Variants in ARFGEF3 observed in about 807,000 individuals in gnomAD.
ARFGEF3 encodes the protein brefeldin A-inhibited guanine nucleotide-exchange protein 3.
In ARFGEF3, 96 loss-of-function variants were observed where a neutral mutation model predicts 221.7. The observed-to-expected ratio is 0.43, with a 90% CI of 0.37 to 0.51. ARFGEF3 has a LOEUF of 0.51. Among genes scored for constraint, ARFGEF3 ranks in the 20% least tolerant of loss-of-function variants. The pLI, the probability that ARFGEF3 is intolerant of heterozygous loss-of-function variation, is 0.00. For synonymous variants in ARFGEF3, 1,145 were observed against 1,126.8 expected (o/e 1.02, Z -0.32); for missense variants, 2,410 against 2,789.9 (o/e 0.86, Z 3.07).
chr6:138,337,209 A>G lies in ARFGEF3; in HGVS notation c.*723A>G, dbSNP rs1055530314. 1 of 152,686 alleles carries G rather than the reference A, an allele frequency of 6.5e-6. No homozygotes were observed. The highest frequency in any genetic ancestry group is 1.5e-5 in the Non-Finnish European group (1 of 68,050). The allele number at this position is 152,686 out of a possible 1,614,324, so 9.5% of individuals were successfully genotyped here. A position where few individuals can be genotyped will look rare whatever the true frequency, so the allele number is the denominator to read the frequency against. ...AGTCTGTGGCTTATCAGCCTGTGAC[A>G]CAGAGTACCCAGTGAAAGTGGCTGG... On this transcript the variant is annotated 3_prime_UTR_variant, in exon 34 of 34. Transcript: ENST00000251691.
intron 2 of ARFGEF3, among the ~76,000 whole-genome samples, chr6:138,201,172 A>T (rs1431532499): frequency 6.6e-6 from 1 of 151,992 alleles, no homozygotes; most frequent in East Asian, 1.9e-4. Context: ...TAAAAAGTAG[A>T]TGTTTTTTGT....
At chr6:138,309,053 C>T (rs1242485890) in intron 24 of ARFGEF3, among the ~76,000 whole-genome samples, 192 bp downstream of exon 24, 1 of 152,180 alleles carries the variant, frequency 6.6e-6, no homozygotes, top group Non-Finnish European at 1.5e-5. Flanking sequence ...AAGGTTGATA[C>T]TTTTCATTGT....
chr6:138,300,757 G>A (rs1164342333), intron 22 of ARFGEF3, among the ~76,000 whole-genome samples: 1 of 152,166 alleles, frequency 6.6e-6, no homozygotes, highest in Non-Finnish European at 1.5e-5. Flanking sequence ...CTCGCATCTT[G>A]AGTCAGGATC....
At chr6:138,307,475 T>A in intron 23 of ARFGEF3, 78 bp downstream of exon 23, 3 of 1,162,864 alleles carry the variant, frequency 2.6e-6, no homozygotes, top group Non-Finnish European at 2.5e-6. Flanking sequence ...AAAAAAAAAT[T>A]GAACAATAGG....
chr6:138,238,461 A>C, intron 5 of ARFGEF3, 48 bp from the exon 6 acceptor site: 1 of 1,582,034 alleles, frequency 6.3e-7, no homozygotes, highest in Non-Finnish European at 8.6e-7. Context: ...TGTTGGTAAT[A>C]AGCTGATACC....
rs1381678416 is a variant in ARFGEF3, at chr6:138,196,247, G to A, written c.138-10795G>A. Reference sequence around the variant, plus strand: ...CATGCATGACTTAATGATGGGGATAGGTCCTAAGAAATATGTCATTAGGCA... The same window carrying A: ...CATGCATGACTTAATGATGGGGATAAGTCCTAAGAAATATGTCATTAGGCA... On this transcript the variant is annotated intron_variant, in intron 2 of 33. Coordinates refer to ENST00000251691, the MANE Select transcript of ARFGEF3 (RefSeq NM_020340.5). Among the ~76,000 whole-genome samples, 8 of 152,236 alleles carry A rather than the reference G, an allele frequency of 5.3e-5. No homozygotes were observed. In the East Asian group the frequency reaches 1.3e-3, roughly 26 times the overall value.
intron 19 of ARFGEF3, among the ~76,000 whole-genome samples, chr6:138,293,608 A>G (rs1400721404): frequency 6.6e-6 from 1 of 152,172 alleles, no homozygotes; most frequent in Non-Finnish European, 1.5e-5. Flanking sequence ...AACCTTATTC[A>G]TTAATTTACT....
intron 2 of ARFGEF3, among the ~76,000 whole-genome samples, chr6:138,185,447 G>T (rs550648396): frequency 6.6e-6 from 1 of 152,140 alleles, no homozygotes; most frequent in African/African-American, 2.4e-5. Flanking sequence ...ATCATGACCC[G>T]TAGGGATCCA....
intron 13 of ARFGEF3, 119 bp from the exon 14 acceptor site, chr6:138,279,880 A>C: frequency 1.0e-6 from 1 of 962,522 alleles, no homozygotes; most frequent in Non-Finnish European, 1.6e-6. Context: ...CCCCTTACCC[A>C]ATACACAAGC....
intron 2 of ARFGEF3, among the ~76,000 whole-genome samples, chr6:138,179,762 A>G (rs1040292454): frequency 6.6e-6 from 1 of 152,204 alleles, no homozygotes; most frequent in Admixed American, 6.5e-5. Flanking sequence ...ATTCTGTGCT[A>G]TGAACCCTGG....
rs539726325 is a variant in ARFGEF3 at position 138,237,259 on chromosome 6, G to A, written c.421-1250G>A. Among the ~76,000 whole-genome samples, 5 of 152,272 alleles carry A rather than the reference G, an allele frequency of 3.3e-5. No homozygotes were observed. The South Asian group carries it at 1.0e-3, about 32-fold the overall frequency. On this transcript the variant is annotated intron_variant, in intron 5 of 33. Transcript: ENST00000251691. ...TCAATCATCAAATTAAATTTGCCAT[G>A]TAGGTGAGAATCCTGGATTTTCATT... is the stretch of plus-strand genomic sequence containing the variant.
chr6:138,248,559 G>T (rs148481154), intron 8 of ARFGEF3, among the ~76,000 whole-genome samples: 1 of 152,180 alleles, frequency 6.6e-6, no homozygotes, highest in African/African-American at 2.4e-5. Context: ...TGCTAGAAAC[G>T]TGGGAGAGGC....
intron 5 of ARFGEF3, among the ~76,000 whole-genome samples, chr6:138,236,404 T>C (rs1015929165): frequency 6.6e-5 from 10 of 152,240 alleles, no homozygotes; most frequent in Non-Finnish European, 1.5e-4. Flanking sequence ...TCAAAGTGAA[T>C]CACTGCACTC....
intron 4 of ARFGEF3, among the ~76,000 whole-genome samples, chr6:138,212,750 A>G (rs573397932): frequency 6.6e-6 from 1 of 152,278 alleles, no homozygotes; most frequent in African/African-American, 2.4e-5. Context: ...GCTGAAAACC[A>G]TCATTCTCAG....
At position 138,307,351 on chromosome 6, in the gene ARFGEF3, G is replaced by C; in HGVS notation, c.3927G>C (p.Gly1309=). 6.2e-7 allele frequency: 1 copy of C among 1,613,938 alleles called. No homozygotes were observed. The highest frequency in any genetic ancestry group is 1.1e-5 in the South Asian group (1 of 91,064). Residue 1309 remains glycine, a synonymous_variant, in exon 23 of 34, where the codon GGG becomes GGC. Transcript: ENST00000251691. ...LFSALETVHG[G]NKSEMKEYLV... ...GTGCCCTGGAAACAGTGCATGGCGG[G>C]AACAAGTCAGAGATGAAGGAGTACC...
chr6:138,293,763 T>C (rs1473678061), intron 19 of ARFGEF3, among the ~76,000 whole-genome samples: 4 of 152,216 alleles, frequency 2.6e-5, no homozygotes, highest in African/African-American at 9.6e-5. Flanking sequence ...AGCTAGACCA[T>C]GAGGGCACAA....
At chr6:138,228,172 A>ATTTTTTT (rs549915422) in intron 4 of ARFGEF3, among the ~76,000 whole-genome samples, 3 of 106,434 alleles carry the variant, frequency 2.8e-5, no homozygotes, top group Admixed American at 1.1e-4. Context: ...CACTGAGACA[A>ATTTTTTT]TTTTTTTTTT....
chr6:138,292,056 G>A lies in ARFGEF3; in HGVS notation c.3368+3G>A, dbSNP rs777494045. The A allele has an allele frequency of 2.5e-5, 36 of 1,417,754 alleles. No individual in the cohort carries two copies. Among genetic ancestry groups the A allele is most frequent in the Non-Finnish European group, 3.1e-5 (34 of 1,088,604 alleles). 87.8% of individuals were successfully genotyped at this position (1,417,754 alleles called of 1,614,324 possible). A position where few individuals can be genotyped will look rare whatever the true frequency, so the allele number is the denominator to read the frequency against. On this transcript the variant is annotated splice_donor_region_variant and intron_variant, in intron 19 of 33. Transcript: ENST00000251691. The stretch of plus-strand genomic sequence containing the variant: ...ACCCTCTCCACGCAAGCCGACAGGT[G>A]CGCGGCGCCGGCCTCCCACGCCCCG...
At chr6:138,262,255 T>G (rs574274407) in intron 11 of ARFGEF3, among the ~76,000 whole-genome samples, 2 of 149,894 alleles carry the variant, frequency 1.3e-5, no homozygotes, top group African/African-American at 4.9e-5. Context: ...AGTGGCACGA[T>G]CTCGGCTCAC....
Sources: gnomAD v4.1 joint callset for allele counts (sites outside exome capture counted in the v4.1 genomes callset) on GRCh38, gnomAD v4.1.1 for gene constraint, MANE v1.5 for transcripts, NCBI Gene and HGNC (gene_info 2026-07-23, HGNC 2026-07-21) for gene names.